Variants in NRP2 observed in about 807,000 individuals in gnomAD.
The protein encoded by NRP2 is neuropilin-2.
In NRP2, 52 loss-of-function variants were observed where a neutral mutation model predicts 110.4. The ratio of observed to expected loss-of-function variants is 0.47; its 90% CI spans 0.38 to 0.59. The LOEUF (loss-of-function observed/expected upper bound fraction) is 0.59. NRP2 is among the 20% of genes least tolerant of loss of function. The probability of loss-of-function intolerance (pLI) is 0.00; values close to 1 mark genes in which losing one functional copy is unlikely to be tolerated. For missense variants in NRP2, 1,049 were observed against 1,203.0 expected (o/e 0.87, Z 1.89); for synonymous variants, 508 against 468.9 (o/e 1.08, Z -1.08).
In NRP2 at chr2:205,795,611, A is replaced by G. The variant is rs1355545175; in HGVS notation, c.*553A>G. On this transcript the variant is annotated 3_prime_UTR_variant, in exon 17 of 17. Transcript: ENST00000357785. Reference sequence around the variant, plus strand: ...GATTGTCTTCTGACTTAAGGGATTTACTGTGGTGTAGGTTCTGCCAGCCAA... The same window carrying G: ...GATTGTCTTCTGACTTAAGGGATTTGCTGTGGTGTAGGTTCTGCCAGCCAA... The G allele has an allele frequency of 6.6e-6, 1 of 152,612 alleles. No individual in the cohort carries two copies. The highest frequency in any genetic ancestry group is 2.4e-5 in the African/African-American group (1 of 41,418). 9.5% of individuals were successfully genotyped at this position (152,612 alleles called of 1,614,324 possible). A position where few individuals can be genotyped will look rare whatever the true frequency, so the allele number is the denominator to read the frequency against.
rs769283829 is a variant in NRP2 at position 205,703,795 on chromosome 2, A to G, written c.251+6074A>G. Among the ~76,000 whole-genome samples the G allele has an allele frequency of 7.2e-5, 11 of 152,212 alleles. No homozygotes were observed. The South Asian group carries it at 8.3e-4, about 11-fold the overall frequency. On this transcript the variant is annotated intron_variant, in intron 2 of 16. Transcript: ENST00000357785. ...GAGGGAGGGTTTGATGCCTTCAGGA[A>G]CCAAAATAATTGAACATGCCTGAAC...
chr2:205,759,688 A>C (rs945396695), intron 12 of NRP2: 1 of 152,208 alleles, frequency 6.6e-6, no homozygotes, highest in Non-Finnish European at 1.5e-5. Flanking sequence ...CCTCATGCCA[A>C]ACATACTTCT....
At chr2:205,722,163 TCTCTCTCATA>T (rs2057027942) in intron 3 of NRP2, 2 of 332,822 alleles carry the variant, frequency 6.0e-6, no homozygotes, top group African/African-American at 4.9e-5. Flanking sequence ...TCTCTCTCTC[TCTCTCTCATA>T]CACACACACA....
chr2:205,749,926 C>T (rs1398551444), intron 11 of NRP2, 85 bp downstream of exon 11: 3 of 1,012,648 alleles, frequency 3.0e-6, no homozygotes, highest in African/African-American at 3.2e-5. Context: ...ACCTAGTGGT[C>T]CCCCAGATCA....
intron 10 of NRP2, among the ~76,000 whole-genome samples, chr2:205,748,114 C>T (rs374900029): frequency 1.1e-4 from 17 of 152,174 alleles, no homozygotes; most frequent in African/African-American, 3.9e-4. Flanking sequence ...CCCTGCCCTC[C>T]GGTGCCTCAT....
intron 2 of NRP2, among the ~76,000 whole-genome samples, chr2:205,713,169 A>G (rs557878016): frequency 6.6e-6 from 1 of 152,308 alleles, no homozygotes; most frequent in South Asian, 2.1e-4. Flanking sequence ...AAATGACTCC[A>G]TGGGTGATTA....
In NRP2 at chr2:205,795,132, T is replaced by A; in HGVS notation, c.*74T>A. ...TGGGGAAGATTACATTTTTTTTTCCTTTGGAAACTGAATGCCATAATCTCG... is the reference window on the plus strand; with the variant it reads ...TGGGGAAGATTACATTTTTTTTTCCATTGGAAACTGAATGCCATAATCTCG... On this transcript the variant is annotated 3_prime_UTR_variant, in exon 17 of 17. Transcript: ENST00000357785. 7.2e-7 allele frequency: 1 copy of A among 1,384,618 alleles called. No individual in the cohort carries two copies. The highest frequency in any genetic ancestry group is 1.0e-6 in the Non-Finnish European group (1 of 993,736). 85.8% of individuals were successfully genotyped at this position (1,384,618 alleles called of 1,614,324 possible).
Position 205,763,561 on chromosome 2 carries a change from A to T in NRP2, c.2045-113A>T. 1 of 1,395,424 alleles carries T rather than the reference A, an allele frequency of 7.2e-7. No homozygotes were observed. Among genetic ancestry groups the T allele is most frequent in the Non-Finnish European group, 1.0e-6 (1 of 983,436 alleles). The allele number at this position is 1,395,424 out of a possible 1,614,324, so 86.4% of individuals were successfully genotyped here. ...AGCCTGGAGAACAAGGACATGAATA[A>T]ACCAAAGACACCGAAACTCAGTCCC... On this transcript the variant is annotated intron_variant, in intron 12 of 16. Coordinates refer to ENST00000357785, the MANE Select transcript of NRP2 (RefSeq NM_003872.3). The surrounding 1 kb of genome is among the most constrained non-coding windows in gnomAD (Gnocchi z 4.0).
intron 15 of NRP2, among the ~76,000 whole-genome samples, chr2:205,791,102 T>C (rs1015704814): frequency 3.3e-5 from 5 of 152,238 alleles, no homozygotes; most frequent in African/African-American, 1.2e-4. Context: ...TCAGTTCAGA[T>C]CATGGTCAAG....
chr2:205,684,773 A>G (rs1219964325), intron 1 of NRP2, among the ~76,000 whole-genome samples: 1 of 152,154 alleles, frequency 6.6e-6, no homozygotes, highest in Non-Finnish European at 1.5e-5. Flanking sequence ...CCCTTGCCTT[A>G]TTTCTAAATT....
In NRP2 at chr2:205,763,898, G is replaced by A. The variant is rs1339363358; in HGVS notation, c.2269G>A (p.Gly757Arg). The A allele has an allele frequency of 1.2e-6, 2 of 1,614,074 alleles. No individual in the cohort carries two copies. The highest frequency in any genetic ancestry group is 8.5e-7 in the Non-Finnish European group (1 of 1,179,958). Residue 757 changes from glycine (G) to arginine (R), a missense_variant, in exon 13 of 17, where the codon GGG becomes AGG. Gly to Arg is a moderately radical substitution (Grantham distance 125). Transcript: ENST00000357785. The surrounding 1 kb of genome is among the most constrained non-coding windows in gnomAD (Gnocchi z 4.0). ...GGACCAGGGCGGCGAGTGGAAGCAC[G>A]GGCGGATCATCCTGCCCAGCTACGA... ...REDQGGEWKH[G>R]RIILPSYDME...
At chr2:205,767,242 A>C (rs1010867001) in intron 15 of NRP2, 6 of 318,950 alleles carry the variant, frequency 1.9e-5, no homozygotes, top group Non-Finnish European at 3.6e-5. Flanking sequence ...CAGGGTACCA[A>C]GGCAGCGGTT....
At chr2:205,706,479 C>T (rs1237716077) in intron 2 of NRP2, among the ~76,000 whole-genome samples, 1 of 152,136 alleles carries the variant, frequency 6.6e-6, no homozygotes, top group African/African-American at 2.4e-5. Context: ...TTCTTTGTCT[C>T]AAAGTAGGAG....
chr2:205,767,949 C>T (rs566862669), intron 15 of NRP2: 1 of 152,768 alleles, frequency 6.5e-6, no homozygotes, highest in South Asian at 2.1e-4. Flanking sequence ...TATCTTCACT[C>T]TCATTAATCT....
Position 205,749,795 on chromosome 2 carries a change from C to G in NRP2, c.1857C>G (p.Thr619=), listed in dbSNP as rs777980687. 9 of 1,614,142 alleles carry G rather than the reference C, an allele frequency of 5.6e-6. No homozygotes were observed. The South Asian group carries it at 9.9e-5, about 18-fold the overall frequency. Residue 619 remains threonine, a synonymous_variant, in exon 11 of 17, where the codon ACC becomes ACG. Transcript: ENST00000357785. ...KSEETTTPYP[T]EEEATECGEN... Reference sequence around the variant, plus strand: ...AAGAGACAACCACCCCCTACCCCACCGAAGAGGAGGCCACAGAGTGTGGGG... The same window carrying G: ...AAGAGACAACCACCCCCTACCCCACGGAAGAGGAGGCCACAGAGTGTGGGG...
In NRP2 at chr2:205,745,818, C is replaced by CG; in HGVS notation, c.1717dup (p.Val573GlyfsTer21). The CG allele has an allele frequency of 6.2e-7, 1 of 1,614,150 alleles. No homozygotes were observed. Among genetic ancestry groups the CG allele is most frequent in the Non-Finnish European group, 8.5e-7 (1 of 1,179,974 alleles). ...TGACCCCATTCCGGCACAGTATGTG[C>CG]GGGTATACCCGGAGAGGTGGTCGCC... On this transcript the variant is annotated frameshift_variant, in exon 10 of 17. Coordinates refer to ENST00000357785, the MANE Select transcript of NRP2 (RefSeq NM_003872.3). LOFTEE classifies it high-confidence loss of function.
chr2:205,740,688 TG>T (rs2057424856), intron 8 of NRP2, 25 bp downstream of exon 8: 1 of 1,613,466 alleles, frequency 6.2e-7, no homozygotes, highest in East Asian at 2.2e-5. Flanking sequence ...CCAATGAGGT[TG>T]GGGTGCTGAT....
chr2:205,727,349 C>T (rs1336612464), intron 6 of NRP2, among the ~76,000 whole-genome samples: 1 of 152,230 alleles, frequency 6.6e-6, no homozygotes, highest in Non-Finnish European at 1.5e-5. Flanking sequence ...GGACTCGGTG[C>T]ATAAGCCTAA....
chr2:205,687,695 T>C (rs192221964), intron 1 of NRP2, among the ~76,000 whole-genome samples: 1 of 152,324 alleles, frequency 6.6e-6, no homozygotes, highest in East Asian at 1.9e-4. Context: ...AAGGCTGCAG[T>C]GACTGGAACC....
Sources: allele counts gnomAD v4.1 joint callset (sites outside exome capture counted in the v4.1 genomes callset), GRCh38; gene constraint gnomAD v4.1.1; non-coding constraint Gnocchi (gnomAD v3.1); transcripts MANE v1.5; gene names NCBI Gene and HGNC (gene_info 2026-07-23, HGNC 2026-07-21).